ITPR1: variants seen among roughly 807,000 people sequenced by gnomAD.
The protein encoded by ITPR1 is inositol 1,4,5-trisphosphate receptor type 1.
A neutral mutation model predicts 318.4 loss-of-function variants in ITPR1; 96 were observed. The observed-to-expected ratio is 0.30, with a 90% CI of 0.26 to 0.36. ITPR1 has a LOEUF of 0.36. Ranked by LOEUF, ITPR1 falls within the 10% of genes least tolerant of loss-of-function variation. The pLI is 1.00. For missense variants in ITPR1, 2,440 were observed against 3,460.2 expected, an observed-to-expected ratio of 0.71 and a Z score of 7.40; for synonymous variants, 1,312 against 1,289.9, an observed-to-expected ratio of 1.02 and a Z score of -0.37.
rs1022666719 is a variant in ITPR1, at chr3:4,653,695, G to A, written c.952-147G>A. The A allele has an allele frequency of 5.3e-5, 32 of 608,340 alleles. 1 individual carries two copies. Among genetic ancestry groups the A allele is most frequent in the African/African-American group, 1.1e-4 (6 of 54,406 alleles). The allele number at this position is 608,340 out of a possible 1,614,324, so 37.7% of individuals were successfully genotyped here. A position where few individuals can be genotyped will look rare whatever the true frequency, so the allele number is the denominator to read the frequency against. On this transcript the variant is annotated intron_variant, in intron 11 of 61. Transcript: ENST00000649015. ...TACCCATGTGACCTGTATCATTGTCGTGGCATGCTGGTTTTGTGAACAGAG... is the reference window on the plus strand; with the variant it reads ...TACCCATGTGACCTGTATCATTGTCATGGCATGCTGGTTTTGTGAACAGAG...
intron 4 of ITPR1, among the ~76,000 whole-genome samples, chr3:4,522,452 A>G (rs922560810): frequency 5.9e-5 from 9 of 152,232 alleles, no homozygotes; most frequent in African/African-American, 1.4e-4. Context: ...TTTGGAAGAC[A>G]TTTGGTGTTG....
chr3:4,764,323 C>A (rs1321442511), intron 44 of ITPR1, among the ~76,000 whole-genome samples: 1 of 152,224 alleles, frequency 6.6e-6, no homozygotes, highest in Non-Finnish European at 1.5e-5. Context: ...TAAAAAGGAT[C>A]TGACCATGGG....
rs189521239 is a variant in ITPR1, at chr3:4,826,233, G to C, written c.8028+7991G>C. On this transcript the variant is annotated intron_variant, in intron 60 of 61. Coordinates refer to ENST00000649015, the MANE Select transcript of ITPR1 (RefSeq NM_001378452.1). The surrounding 1 kb of genome is among the most constrained non-coding windows in gnomAD (Gnocchi z 4.2). ...TCCAGTGAGGATGCTGGCAGGAAGGGAGTGCCTAGGTATGTTCCTAGAATA... is the reference window on the plus strand; with the variant it reads ...TCCAGTGAGGATGCTGGCAGGAAGGCAGTGCCTAGGTATGTTCCTAGAATA... Among the ~76,000 whole-genome samples the C allele has an allele frequency of 1.3e-3, 203 of 152,368 alleles. 1 individual carries two copies. The highest frequency in any genetic ancestry group is 0.01 in the Middle Eastern group (3 of 294).
At chr3:4,586,933 G>A (rs114423214) in intron 4 of ITPR1, among the ~76,000 whole-genome samples, 7,846 of 151,996 alleles carry the variant, frequency 0.052, 293 homozygotes, top group Middle Eastern at 0.092. Context: ...ACACCTCTTA[G>A]GTAGGTCTCC....
At chr3:4,653,103 T>C (rs1011177777) in intron 11 of ITPR1, among the ~76,000 whole-genome samples, 2 of 152,208 alleles carry the variant, frequency 1.3e-5, no homozygotes, top group Admixed American at 6.5e-5. Context: ...CTGTGTGACA[T>C]GTCGAGCTTT....
chr3:4,542,821 C>G (rs76879760), intron 4 of ITPR1, among the ~76,000 whole-genome samples: 1 of 152,204 alleles, frequency 6.6e-6, no homozygotes, highest in African/African-American at 2.4e-5. Flanking sequence ...TCTCAGAGTT[C>G]TCGCTTTAGA....
chr3:4,737,584 A>G (rs3804998), intron 44 of ITPR1, among the ~76,000 whole-genome samples: 30,164 of 152,136 alleles, frequency 0.2, 3,372 homozygotes, highest in African/African-American at 0.29. Context: ...GGGTTCATAT[A>G]TAGGAGCAGT....
intron 55 of ITPR1, among the ~76,000 whole-genome samples, chr3:4,808,834 T>A (rs73807160): frequency 6.6e-6 from 1 of 152,042 alleles, no homozygotes; most frequent in Non-Finnish European, 1.5e-5. Context: ...GGGAGGGTGA[T>A]CTGGTGGCCT....
intron 38 of ITPR1, among the ~76,000 whole-genome samples, chr3:4,711,210 CAAAAAAA>C (rs1169754547): frequency 0.034 from 1,982 of 57,908 alleles, 46 homozygotes; most frequent in African/African-American, 0.099. Context: ...GACCTTGTCT[CAAAAAAA>C]AAAAAAAAAA....
intron 4 of ITPR1, among the ~76,000 whole-genome samples, chr3:4,532,578 C>G (rs2083507560): frequency 6.6e-6 from 1 of 152,096 alleles, no homozygotes; most frequent in Middle Eastern, 3.2e-3. Flanking sequence ...GCCACGTTGC[C>G]CAGGCTGGTC....
intron 60 of ITPR1, among the ~76,000 whole-genome samples, chr3:4,823,597 T>C (rs768784545): frequency 4.0e-5 from 6 of 151,380 alleles, no homozygotes; most frequent in Non-Finnish European, 7.4e-5. Flanking sequence ...ATGTGGGGGC[T>C]AAAAAAAACA....
At chr3:4,625,762 T>G (rs2092806073) in intron 4 of ITPR1, among the ~76,000 whole-genome samples, 1 of 152,106 alleles carries the variant, frequency 6.6e-6, no homozygotes, top group Non-Finnish European at 1.5e-5. Context: ...TTTCACCATG[T>G]TAGCCAGGAT....
intron 44 of ITPR1, among the ~76,000 whole-genome samples, chr3:4,742,251 G>C (rs2043759295): frequency 6.6e-6 from 1 of 152,180 alleles, no homozygotes; most frequent in Non-Finnish European, 1.5e-5. Context: ...GGTTTGTCAG[G>C]GCCACTTTGA....
At chr3:4,551,381 C>T (rs11130057) in intron 4 of ITPR1, among the ~76,000 whole-genome samples, 45,085 of 152,024 alleles carry the variant, frequency 0.3, 7,553 homozygotes, top group African/African-American at 0.44. Context: ...AATCATGAAG[C>T]GATTCAGAAA....
chr3:4,541,286 A>G (rs894313028), intron 4 of ITPR1, among the ~76,000 whole-genome samples: 4 of 152,068 alleles, frequency 2.6e-5, no homozygotes, highest in South Asian at 2.1e-4. Context: ...GGTAAATTCT[A>G]TTTTGTTTGA....
intron 44 of ITPR1, among the ~76,000 whole-genome samples, chr3:4,740,287 G>C (rs2043607739): frequency 1.3e-5 from 2 of 152,204 alleles, no homozygotes; most frequent in African/African-American, 4.8e-5. Flanking sequence ...TGTCTCTGCA[G>C]TTGAGGAGTT....
In ITPR1 at chr3:4,710,750, G is replaced by A. The variant is rs565505924; in HGVS notation, c.4991+277G>A. 1.6e-4 allele frequency among the ~76,000 whole-genome samples: 24 copies of A among 152,192 alleles called. 1 individual carries two copies. The highest frequency in any genetic ancestry group is 5.8e-4 in the East Asian group (3 of 5,182). ...ATTCATTCATTACAGTGCACCCACC[G>A]TGTGCTGTGGTACAGACATAAAAAA... On this transcript the variant is annotated intron_variant, in intron 38 of 61. Transcript: ENST00000649015. The surrounding 1 kb of genome is among the most constrained non-coding windows in gnomAD (Gnocchi z 4.2).
At chr3:4,672,010 A>T (rs570630366) in intron 20 of ITPR1, among the ~76,000 whole-genome samples, 79 of 152,314 alleles carry the variant, frequency 5.2e-4, no homozygotes, top group Non-Finnish European at 8.2e-4. Context: ...GCGTTAATAG[A>T]GATTAATCCA....
intron 44 of ITPR1, among the ~76,000 whole-genome samples, chr3:4,759,051 A>T (rs890563564): frequency 1.5e-4 from 23 of 152,276 alleles, no homozygotes; most frequent in African/African-American, 4.6e-4. Context: ...GGTGGGTGTT[A>T]TGTAAATGGC....
Sources: gnomAD v4.1 joint callset for allele counts (sites outside exome capture counted in the v4.1 genomes callset) on GRCh38, gnomAD v4.1.1 for gene constraint, Gnocchi (gnomAD v3.1) non-coding constraint, MANE v1.5 for transcripts, NCBI Gene and HGNC (gene_info 2026-07-23, HGNC 2026-07-21) for gene names.